PHACTR1: variants seen among roughly 807,000 people sequenced by gnomAD.
PHACTR1 encodes the protein phosphatase and actin regulator 1.
In PHACTR1, 16 loss-of-function variants were observed where a neutral mutation model predicts 69.2. The observed-to-expected ratio is 0.23, with a 90% CI of 0.16 to 0.35. PHACTR1 has a LOEUF of 0.35. Among genes scored for constraint, PHACTR1 ranks in the 10% least tolerant of loss-of-function variants. The pLI is 1.00. For synonymous variants in PHACTR1, 312 were observed against 284.5 expected (o/e 1.10, Z -0.97); for missense variants, 510 against 734.7 (o/e 0.69, Z 3.54).
intron 10 of PHACTR1, among the ~76,000 whole-genome samples, chr6:13,253,331 T>G (rs1310473786): frequency 6.6e-6 from 1 of 152,174 alleles, no homozygotes; most frequent in African/African-American, 2.4e-5. Flanking sequence ...AAATGATTGG[T>G]GGGTGCATGT....
intron 5 of PHACTR1, among the ~76,000 whole-genome samples, chr6:13,059,072 G>A (rs1807259651): frequency 6.6e-6 from 1 of 152,140 alleles, no homozygotes; most frequent in South Asian, 2.1e-4. Context: ...ATGAGAAGGA[G>A]AGATAGAAGC....
intron 11 of PHACTR1, among the ~76,000 whole-genome samples, chr6:13,276,879 C>CT (rs1488585385): frequency 6.6e-6 from 1 of 152,228 alleles, no homozygotes; most frequent in Non-Finnish European, 1.5e-5. Flanking sequence ...ATACAACAAA[C>CT]TAATGAAGTT....
chr6:13,025,883 C>T (rs1801633629), intron 4 of PHACTR1, among the ~76,000 whole-genome samples: 1 of 152,028 alleles, frequency 6.6e-6, no homozygotes, highest in African/African-American at 2.4e-5. Flanking sequence ...GAATAATCAC[C>T]TCTTTAAAAA....
chr6:12,921,589 G>T (rs1336315090), intron 4 of PHACTR1, among the ~76,000 whole-genome samples: 2 of 114,638 alleles, frequency 1.7e-5, no homozygotes, highest in African/African-American at 7.0e-5. Context: ...GGAGAAGAAG[G>T]AAGGGAGGAA....
intron 4 of PHACTR1, among the ~76,000 whole-genome samples, chr6:12,893,851 A>C (rs1165647578): frequency 6.6e-6 from 1 of 152,218 alleles, no homozygotes; most frequent in East Asian, 1.9e-4. Context: ...TTAGCAAAGC[A>C]GCCCTGTTGC....
In PHACTR1 at chr6:13,278,959, T is replaced by C. The variant is rs541518764; in HGVS notation, c.1509+630T>C. On this transcript the variant is annotated intron_variant, in intron 12 of 14. Coordinates refer to ENST00000332995, the MANE Select transcript of PHACTR1 (RefSeq NM_030948.6). The stretch of plus-strand genomic sequence containing the variant: ...GCCTGGGCAACAGAGCAAGACTCTG[T>C]CTCAAAAAAAAAAAAAAATTACTAG... Among the ~76,000 whole-genome samples, 9 of 47,110 alleles carry C rather than the reference T, an allele frequency of 1.9e-4. 1 individual carries two copies. The highest frequency in any genetic ancestry group is 9.6e-4 in the Admixed American group (4 of 4,182). 30.9% of individuals were successfully genotyped at this position (47,110 alleles called of 152,430 possible). A position where few individuals can be genotyped will look rare whatever the true frequency, so the allele number is the denominator to read the frequency against.
intron 4 of PHACTR1, among the ~76,000 whole-genome samples, chr6:12,873,910 G>A (rs1782302361): frequency 6.6e-6 from 1 of 152,148 alleles, no homozygotes; most frequent in Admixed American, 6.5e-5. Context: ...CATGCCTGTG[G>A]GTGTGCAGAT....
chr6:13,062,236 G>A (rs1392938982), intron 5 of PHACTR1, among the ~76,000 whole-genome samples: 1 of 152,166 alleles, frequency 6.6e-6, no homozygotes, highest in Non-Finnish European at 1.5e-5. Flanking sequence ...AGGTACTCAG[G>A]TGAGCATAGA....
At chr6:12,865,135 C>T (rs910161378) in intron 4 of PHACTR1, among the ~76,000 whole-genome samples, 4 of 152,066 alleles carry the variant, frequency 2.6e-5, no homozygotes, top group African/African-American at 7.2e-5. Context: ...CCAGGAAAAC[C>T]CCCAGTCCCG....
At chr6:12,992,737 A>T (rs1796957104) in intron 4 of PHACTR1, among the ~76,000 whole-genome samples, 1 of 152,092 alleles carries the variant, frequency 6.6e-6, no homozygotes, top group African/African-American at 2.4e-5. Flanking sequence ...GAAAAGAAAA[A>T]AGCTCTCTCT....
intron 4 of PHACTR1, among the ~76,000 whole-genome samples, chr6:12,763,662 A>G (rs1768286093): frequency 2.0e-5 from 3 of 152,208 alleles, no homozygotes; most frequent in Admixed American, 2.0e-4. Context: ...GTTCTCTCCT[A>G]TTGCTGTGTT....
chr6:13,109,115 C>T (rs1352071168), intron 5 of PHACTR1, among the ~76,000 whole-genome samples: 1 of 152,012 alleles, frequency 6.6e-6, no homozygotes, highest in Non-Finnish European at 1.5e-5. Context: ...ACTCCTTGTG[C>T]TATTGTGGAA....
chr6:13,033,005 C>G (rs988224315), intron 4 of PHACTR1, among the ~76,000 whole-genome samples: 4 of 152,100 alleles, frequency 2.6e-5, no homozygotes, highest in Non-Finnish European at 5.9e-5. Flanking sequence ...AAAGTTCTGC[C>G]TCTATTTCTG....
chr6:12,965,451 C>CATTTTTTTTT (rs60864787), intron 4 of PHACTR1, among the ~76,000 whole-genome samples: 7 of 131,968 alleles, frequency 5.3e-5, no homozygotes, highest in African/African-American at 8.4e-5. Context: ...TATTTTGTGC[C>CATTTTTTTTT]TTTTTTTTTT....
intron 4 of PHACTR1, among the ~76,000 whole-genome samples, chr6:12,872,780 C>T (rs1163549943): frequency 6.6e-6 from 1 of 152,170 alleles, no homozygotes; most frequent in Non-Finnish European, 1.5e-5. Context: ...ACATCCTCCT[C>T]AAGGGGGCAG....
chr6:12,896,344 C>A (rs1381405440), intron 4 of PHACTR1, among the ~76,000 whole-genome samples: 2 of 152,172 alleles, frequency 1.3e-5, no homozygotes, highest in Admixed American at 1.3e-4. Flanking sequence ...GATTTAGCAC[C>A]ATTTGATAGA....
intron 5 of PHACTR1, among the ~76,000 whole-genome samples, chr6:13,118,548 G>A (rs1407306532): frequency 1.4e-5 from 2 of 146,964 alleles, no homozygotes; most frequent in East Asian, 4.0e-4. Flanking sequence ...GCATGATCTC[G>A]GCTCACTGCA....
chr6:13,250,111 T>G (rs1774171459), intron 10 of PHACTR1, among the ~76,000 whole-genome samples: 1 of 152,180 alleles, frequency 6.6e-6, no homozygotes, highest in South Asian at 2.1e-4. Context: ...GTTGAGTAGC[T>G]GCAACAGAAA....
intron 5 of PHACTR1, among the ~76,000 whole-genome samples, chr6:13,155,204 A>G (rs945725536): frequency 1.3e-5 from 2 of 152,122 alleles, no homozygotes; most frequent in African/African-American, 4.8e-5. Context: ...TACTTACCGT[A>G]AGTGCTGCCC....
Sources: gnomAD v4.1 joint callset for allele counts (sites outside exome capture counted in the v4.1 genomes callset) on GRCh38, gnomAD v4.1.1 for gene constraint, MANE v1.5 for transcripts, NCBI Gene and HGNC (gene_info 2026-07-23, HGNC 2026-07-21) for gene names.